Variants in AURKA observed in about 807,000 individuals in gnomAD.
AURKA encodes the protein aurora 2.
In AURKA, 12 loss-of-function variants were observed where a neutral mutation model predicts 40.9. That is an observed-to-expected ratio of 0.29 (90% CI 0.19 to 0.48). The LOEUF is 0.48. Among genes scored for constraint, AURKA ranks in the 20% least tolerant of loss-of-function variants. AURKA has a pLI of 0.99. For missense variants in AURKA, 322 were observed against 462.1 expected (o/e 0.70, Z 2.78); for synonymous variants, 170 against 164.3 (o/e 1.03, Z -0.26).
chr20:56,373,238 C>A lies in AURKA; in HGVS notation c.854+170G>T, dbSNP rs984389183. On this transcript the variant is annotated intron_variant, in intron 7 of 8. Transcript: ENST00000395915. This position sits in a 1 kb window ranked among gnomAD's most constrained non-coding sequence, Gnocchi z 5.0. ...CCAAATCTCCACAGAATAACACTTT[C>A]TTGCAAACCCTAGTTTATTATTAAG... Among the ~76,000 whole-genome samples, 3 of 152,228 alleles carry A rather than the reference C, an allele frequency of 2.0e-5. No individual in the cohort carries two copies. Among genetic ancestry groups the A allele is most frequent in the African/African-American group, 7.2e-5 (3 of 41,452 alleles).
chr20:56,377,276 C>A (rs1249880233), intron 6 of AURKA, among the ~76,000 whole-genome samples: 1 of 151,818 alleles, frequency 6.6e-6, no homozygotes, highest in Non-Finnish European at 1.5e-5. Context: ...AACCCTTTCT[C>A]AAAAAAATAA....
intron 7 of AURKA, among the ~76,000 whole-genome samples, chr20:56,371,082 G>C (rs1292252445): frequency 2.0e-5 from 3 of 152,192 alleles, no homozygotes; most frequent in African/African-American, 4.8e-5. Context: ...CTGGGGTGGA[G>C]ATGTAGACAC....
At chr20:56,387,539 A>G (rs922877394) in intron 2 of AURKA, among the ~76,000 whole-genome samples, 1 of 152,206 alleles carries the variant, frequency 6.6e-6, no homozygotes, top group Admixed American at 6.5e-5. Context: ...TAATCAAACT[A>G]AAAGGGGTAG....
intron 6 of AURKA, among the ~76,000 whole-genome samples, chr20:56,377,125 AC>A (rs1391786913): frequency 6.6e-6 from 1 of 152,158 alleles, no homozygotes; most frequent in Non-Finnish European, 1.5e-5. Flanking sequence ...CCGTGTCTAT[AC>A]AAAAAATACA....
chr20:56,371,903 A>G (rs1984284922), intron 7 of AURKA, among the ~76,000 whole-genome samples: 1 of 152,248 alleles, frequency 6.6e-6, no homozygotes, highest in Non-Finnish European at 1.5e-5. Context: ...TTGAAGCATC[A>G]TGATGTTTGC....
intron 3 of AURKA, among the ~76,000 whole-genome samples, chr20:56,385,246 C>A (rs529909752): frequency 1.3e-5 from 2 of 152,290 alleles, no homozygotes; most frequent in African/African-American, 2.4e-5. Context: ...TGGCTACCTT[C>A]ATGAAGTGGT....
intron 1 of AURKA, among the ~76,000 whole-genome samples, chr20:56,391,183 G>A (rs2146226627): frequency 6.6e-6 from 1 of 152,292 alleles, no homozygotes; most frequent in East Asian, 1.9e-4. Context: ...AGGTTTATAC[G>A]GTTTATTCCT....
At chr20:56,383,218 G>A in intron 4 of AURKA, 42 bp from the exon 5 acceptor site, 1 of 1,603,602 alleles carries the variant, frequency 6.2e-7, no homozygotes, top group Non-Finnish European at 8.5e-7. Flanking sequence ...AGAAAACAAA[G>A]CTTTTCTAAC....
chr20:56,382,251 TAATG>T (rs994229886), intron 5 of AURKA, among the ~76,000 whole-genome samples: 6 of 151,174 alleles, frequency 4.0e-5, no homozygotes, highest in Non-Finnish European at 7.4e-5. Context: ...CAGTGATCAG[TAATG>T]GCAGTAGATG....
chr20:56,383,336 G>C (rs1985969135), intron 4 of AURKA, among the ~76,000 whole-genome samples, 160 bp from the exon 5 acceptor site: 1 of 152,184 alleles, frequency 6.6e-6, no homozygotes, highest in Admixed American at 6.5e-5. Flanking sequence ...TCAAAGAGCT[G>C]CCACGACATG....
At position 56,386,618 on chromosome 20, in the gene AURKA, A is replaced by G. The variant is rs559998244; in HGVS notation, c.43-85T>C. ...GAGAATTTCACAAAGTTTGTTCTCTAGTATAGCAAAATAATGAATGTCACT... is the reference window on the plus strand; with the variant it reads ...GAGAATTTCACAAAGTTTGTTCTCTGGTATAGCAAAATAATGAATGTCACT... On this transcript the variant is annotated intron_variant, in intron 2 of 8. Coordinates refer to ENST00000395915, the MANE Select transcript of AURKA (RefSeq NM_198437.3). The G allele has an allele frequency of 1.8e-4, 264 of 1,475,952 alleles. No homozygotes were observed. The Middle Eastern group carries it at 2.9e-3, about 16-fold the overall frequency. The allele number at this position is 1,475,952 out of a possible 1,614,324, so 91.4% of individuals were successfully genotyped here. A position where few individuals can be genotyped will look rare whatever the true frequency, so the allele number is the denominator to read the frequency against.
At chr20:56,383,560 C>T (rs1300347276) in intron 4 of AURKA, among the ~76,000 whole-genome samples, 1 of 152,194 alleles carries the variant, frequency 6.6e-6, no homozygotes. Context: ...TCAAACTAAC[C>T]CCAGCTGCTC....
intron 7 of AURKA, among the ~76,000 whole-genome samples, chr20:56,372,908 A>G (rs1600677101): frequency 6.6e-6 from 1 of 152,210 alleles, no homozygotes; most frequent in Non-Finnish European, 1.5e-5. Context: ...CCTACTATTG[A>G]CAGAGGCAGA....
At chr20:56,384,029 A>G (rs1310986706) in intron 4 of AURKA, among the ~76,000 whole-genome samples, 1 of 152,226 alleles carries the variant, frequency 6.6e-6, no homozygotes, top group Non-Finnish European at 1.5e-5. Context: ...CATTTCTATA[A>G]AAGATTCATA....
chr20:56,390,934 G>T (rs1304931486), intron 1 of AURKA, among the ~76,000 whole-genome samples: 1 of 152,146 alleles, frequency 6.6e-6, no homozygotes, highest in African/African-American at 2.4e-5. Context: ...TCTTCTGACA[G>T]AAGCTACAGG....
At chr20:56,391,448 T>A (rs925184427) in intron 1 of AURKA, among the ~76,000 whole-genome samples, 3 of 152,206 alleles carry the variant, frequency 2.0e-5, no homozygotes, top group African/African-American at 7.2e-5. Context: ...CCGGTCTGCA[T>A]CCCTAGTTCT....
At position 56,373,123 on chromosome 20, in the gene AURKA, G is replaced by A. The variant is rs549501699; in HGVS notation, c.854+285C>T. On this transcript the variant is annotated intron_variant, in intron 7 of 8. Transcript: ENST00000395915. This position sits in a 1 kb window ranked among gnomAD's most constrained non-coding sequence, Gnocchi z 5.0. ...TGGGCACTTCACCTCTGTCATATAC[G>A]TGTCCTATCTGTTGACTCATTCATC... Among the ~76,000 whole-genome samples the A allele has an allele frequency of 5.9e-5, 9 of 152,152 alleles. No homozygotes were observed. The highest frequency in any genetic ancestry group is 4.1e-4 in the South Asian group (2 of 4,832).
chr20:56,370,567 C>G lies in AURKA; in HGVS notation c.947G>C (p.Gly316Ala). ...HDEKVDLWSL[G>A]VLCYEFLVGK... Reference sequence around the variant, plus strand: ...AACTAAAAATTCATAGCAAAGAACTCCAAGGCTCCAGAGATCCACCTTCTC... The same window carrying G: ...AACTAAAAATTCATAGCAAAGAACTGCAAGGCTCCAGAGATCCACCTTCTC... The change falls in exon 8 of 9, where the codon GGA (glycine) becomes GCA (alanine). Residue 316 changes from glycine to alanine, a missense_variant. Transcript: ENST00000395915. 1.2e-6 allele frequency: 2 copies of G among 1,614,178 alleles called. No individual in the cohort carries two copies. The highest frequency in any genetic ancestry group is 2.2e-5 in the South Asian group (2 of 91,090).
At chr20:56,378,434 C>A (rs1440507511) in intron 6 of AURKA, among the ~76,000 whole-genome samples, 1 of 152,126 alleles carries the variant, frequency 6.6e-6, no homozygotes, top group Non-Finnish European at 1.5e-5. Context: ...ATTTGTAATG[C>A]AATGTAAAAT....
Sources: allele counts gnomAD v4.1 joint callset (sites outside exome capture counted in the v4.1 genomes callset), GRCh38; gene constraint gnomAD v4.1.1; non-coding constraint Gnocchi (gnomAD v3.1); transcripts MANE v1.5; gene names NCBI Gene and HGNC (gene_info 2026-07-23, HGNC 2026-07-21).